Variants in PKNOX2 observed in about 807,000 individuals in gnomAD.
PKNOX2 encodes homeobox protein PKNOX2.
PKNOX2 carries 14 observed loss-of-function variants against 53.1 expected under a neutral mutation model. The observed-to-expected ratio is 0.26, with a 90% confidence interval of 0.17 to 0.41. PKNOX2 has a LOEUF of 0.41. PKNOX2 is among the 10% of genes least tolerant of loss of function. The pLI is 1.00. For missense variants in PKNOX2, 496 were observed against 602.8 expected (o/e 0.82, Z 1.85); for synonymous variants, 257 against 242.8 (o/e 1.06, Z -0.54).
intron 1 of PKNOX2, among the ~76,000 whole-genome samples, chr11:125,178,306 G>A (rs1453376984): frequency 6.6e-6 from 1 of 151,842 alleles, no homozygotes. Context: ...CAGGTTGGGA[G>A]ATCGAGACCA....
At chr11:125,337,134 A>G (rs533028346) in intron 3 of PKNOX2, among the ~76,000 whole-genome samples, 2 of 152,264 alleles carry the variant, frequency 1.3e-5, no homozygotes. Flanking sequence ...TGATTATAAG[A>G]TGGAAATCTG....
chr11:125,310,183 A>G (rs1226146565), intron 2 of PKNOX2, among the ~76,000 whole-genome samples: 1 of 152,078 alleles, frequency 6.6e-6, no homozygotes, highest in Non-Finnish European at 1.5e-5. Flanking sequence ...GTTCTTGGTC[A>G]TCTCTTCTTT....
Position 125,205,003 on chromosome 11 carries a change from G to C in PKNOX2, c.-200-30042G>C, listed in dbSNP as rs533416183. On this transcript the variant is annotated intron_variant, in intron 1 of 12. Coordinates refer to ENST00000298282, the MANE Select transcript of PKNOX2 (RefSeq NM_001382323.2). The stretch of plus-strand genomic sequence containing the variant: ...TGGTGCATTGCGCACAGTGGTTGTT[G>C]ACCCTTGGAAGGTAGGGACTCTTGC... Among the ~76,000 whole-genome samples the C allele has an allele frequency of 5.7e-4, 87 of 152,322 alleles. 2 individuals carry two copies. Among genetic ancestry groups the C allele is most frequent in the African/African-American group, 2.1e-3 (86 of 41,568 alleles).
chr11:125,413,352 G>A (rs1955678706), intron 10 of PKNOX2, among the ~76,000 whole-genome samples: 1 of 152,196 alleles, frequency 6.6e-6, no homozygotes, highest in Admixed American at 6.5e-5. Flanking sequence ...GAACGCCCAG[G>A]TCTCCTGCCT....
intron 4 of PKNOX2, among the ~76,000 whole-genome samples, chr11:125,363,238 C>T (rs370883675): frequency 4.6e-5 from 7 of 152,338 alleles, no homozygotes; most frequent in African/African-American, 9.6e-5. Context: ...TTTATTAGCA[C>T]GGGTGCAGGT....
chr11:125,287,116 T>A (rs1320433722), intron 2 of PKNOX2, among the ~76,000 whole-genome samples: 1 of 152,154 alleles, frequency 6.6e-6, no homozygotes, highest in African/African-American at 2.4e-5. Flanking sequence ...ATGACATTAA[T>A]CCTCATTGGG....
rs756953787 is a variant in PKNOX2, at chr11:125,354,145, A to G, written c.87+2753A>G. Among the ~76,000 whole-genome samples the G allele has an allele frequency of 1.4e-4, 22 of 152,192 alleles. No homozygotes were observed. The East Asian group carries it at 1.7e-3, about 12-fold the overall frequency. ...ATTGGACCCCTGACTTCTTCCCTTTATCTTTTCGAGATATGGACCCCAGCT... is the reference window on the plus strand; with the variant it reads ...ATTGGACCCCTGACTTCTTCCCTTTGTCTTTTCGAGATATGGACCCCAGCT... On this transcript the variant is annotated intron_variant, in intron 4 of 12. Coordinates refer to ENST00000298282, the MANE Select transcript of PKNOX2 (RefSeq NM_001382323.2).
chr11:125,312,104 A>T (rs1013759670), intron 2 of PKNOX2, among the ~76,000 whole-genome samples: 1 of 152,174 alleles, frequency 6.6e-6, no homozygotes, highest in Admixed American at 6.5e-5. Flanking sequence ...CATGTGTAAA[A>T]TGGGAAAAAC....
chr11:125,375,513 TCA>T (rs1204100720), intron 5 of PKNOX2, among the ~76,000 whole-genome samples: 1 of 152,210 alleles, frequency 6.6e-6, no homozygotes, highest in African/African-American at 2.4e-5. Context: ...AAATCTCAAC[TCA>T]GTTACTGCAT....
At chr11:125,229,385 G>A (rs2135541555) in intron 1 of PKNOX2, among the ~76,000 whole-genome samples, 1 of 152,356 alleles carries the variant, frequency 6.6e-6, no homozygotes, top group Non-Finnish European at 1.5e-5. Flanking sequence ...TGGAAATGCA[G>A]AATTGGCATG....
chr11:125,267,255 A>G (rs1056410491), intron 2 of PKNOX2, among the ~76,000 whole-genome samples: 1 of 152,184 alleles, frequency 6.6e-6, no homozygotes, highest in African/African-American at 2.4e-5. Context: ...CCTTGTGCTC[A>G]TGTGTGTGTT....
At chr11:125,309,154 TC>T (rs1427682652) in intron 2 of PKNOX2, among the ~76,000 whole-genome samples, 1 of 141,230 alleles carries the variant, frequency 7.1e-6, no homozygotes, top group African/African-American at 3.2e-5. Context: ...TTTCTTTCTT[TC>T]TTTCCTTCCT....
At chr11:125,339,757 G>A (rs887879595) in intron 3 of PKNOX2, among the ~76,000 whole-genome samples, 7 of 152,246 alleles carry the variant, frequency 4.6e-5, no homozygotes, top group African/African-American at 1.4e-4. Flanking sequence ...CCTGGCTTTC[G>A]TATGTGCCCC....
chr11:125,412,566 A>G (rs932074117), intron 10 of PKNOX2, among the ~76,000 whole-genome samples: 2 of 152,188 alleles, frequency 1.3e-5, no homozygotes, highest in Admixed American at 6.5e-5. Flanking sequence ...TCAAAATTGC[A>G]ATCTCCCAAC....
intron 2 of PKNOX2, among the ~76,000 whole-genome samples, chr11:125,262,227 T>C (rs1591502327): frequency 1.3e-5 from 2 of 149,934 alleles, no homozygotes; most frequent in African/African-American, 4.9e-5. Context: ...GGTGGGGGGG[T>C]GGTTCTTTAT....
At chr11:125,405,064 G>T (rs1436410842) in intron 7 of PKNOX2, among the ~76,000 whole-genome samples, 4 of 152,212 alleles carry the variant, frequency 2.6e-5, no homozygotes, top group South Asian at 2.1e-4. Flanking sequence ...TGGCCGGGGG[G>T]AGGATGGCAG....
intron 4 of PKNOX2, among the ~76,000 whole-genome samples, chr11:125,355,226 C>G (rs1951537323): frequency 6.7e-6 from 1 of 149,114 alleles, no homozygotes; most frequent in South Asian, 2.1e-4. Context: ...AAGATTGCGC[C>G]ACTGCACTCC....
chr11:125,193,127 A>G (rs544645038), intron 1 of PKNOX2, among the ~76,000 whole-genome samples: 3 of 152,348 alleles, frequency 2.0e-5, no homozygotes, highest in African/African-American at 7.2e-5. Context: ...AGGCATTTAT[A>G]GCTTTATAAA....
At chr11:125,229,020 G>A (rs1374624001) in intron 1 of PKNOX2, among the ~76,000 whole-genome samples, 1 of 152,182 alleles carries the variant, frequency 6.6e-6, no homozygotes, top group South Asian at 2.1e-4. Context: ...ACTGCAGTAA[G>A]ACCTTTCCCC....
Sources: gnomAD v4.1 joint callset for allele counts (sites outside exome capture counted in the v4.1 genomes callset) on GRCh38, gnomAD v4.1.1 for gene constraint, MANE v1.5 for transcripts, NCBI Gene and HGNC (gene_info 2026-07-23, HGNC 2026-07-21) for gene names.